The following TENM4 variants were observed in gnomAD, a reference collection of about 807,000 sequenced individuals.
TENM4 encodes teneurin-4.
A neutral mutation model predicts 243.3 loss-of-function variants in TENM4; 82 were observed. That is an observed-to-expected ratio of 0.34 (90% CI 0.28 to 0.40). The LOEUF is 0.40. TENM4 is among the 10% of genes least tolerant of loss of function. The pLI is 1.00. For missense variants in TENM4, 3,138 were observed against 3,673.3 expected (o/e 0.85, Z 3.77); for synonymous variants, 1,412 against 1,456.3 (o/e 0.97, Z 0.69).
chr11:79,430,214 A>G (rs893735892), intron 1 of TENM4, among the ~76,000 whole-genome samples: 2 of 152,194 alleles, frequency 1.3e-5, no homozygotes, highest in African/African-American at 4.8e-5. Flanking sequence ...AAAAAGAAAA[A>G]AAAAAGGAAT....
chr11:78,868,227 A>G (rs1199601966), intron 9 of TENM4, among the ~76,000 whole-genome samples: 1 of 152,216 alleles, frequency 6.6e-6, no homozygotes, highest in Admixed American at 6.5e-5. Flanking sequence ...GTTACGTCAC[A>G]GGATTCTCTA....
At chr11:78,790,894 C>G (rs1185105976) in intron 15 of TENM4, among the ~76,000 whole-genome samples, 1 of 152,224 alleles carries the variant, frequency 6.6e-6, no homozygotes, top group South Asian at 2.1e-4. Context: ...GGCACTTAGT[C>G]TCACCCTTCC....
intron 17 of TENM4, among the ~76,000 whole-genome samples, chr11:78,775,441 T>A (rs1856722969): frequency 1.3e-5 from 2 of 152,170 alleles, no homozygotes; most frequent in Admixed American, 1.3e-4. Flanking sequence ...TCACAGAGAA[T>A]CACAAATGTG....
rs143627112 is a variant in TENM4, at chr11:79,159,435, A to G, written c.-162-10629T>C. Among the ~76,000 whole-genome samples the G allele has an allele frequency of 3.6e-3, 548 of 152,242 alleles. 5 individuals are homozygous for G. Among genetic ancestry groups the G allele is most frequent in the African/African-American group, 0.012 (518 of 41,548 alleles). On this transcript the variant is annotated intron_variant, in intron 3 of 33. Coordinates refer to ENST00000278550, the MANE Select transcript of TENM4 (RefSeq NM_001098816.3). ...TTTAAAAATGAAATAAAAAGAATAA[A>G]TTGCCCAAGATAACATGGCTAGCCT...
chr11:79,349,238 G>A (rs1857376669), intron 1 of TENM4, among the ~76,000 whole-genome samples: 1 of 152,116 alleles, frequency 6.6e-6, no homozygotes, highest in Admixed American at 6.5e-5. Context: ...TAAGAGATGA[G>A]GATCCATCAC....
At chr11:78,858,233 G>A (rs950351590) in intron 10 of TENM4, among the ~76,000 whole-genome samples, 3 of 152,168 alleles carry the variant, frequency 2.0e-5, no homozygotes, top group Non-Finnish European at 4.4e-5. Flanking sequence ...TAAGTCAGAG[G>A]TCTGCAGGCC....
chr11:78,853,158 T>C (rs1858584496), intron 12 of TENM4, among the ~76,000 whole-genome samples: 1 of 152,204 alleles, frequency 6.6e-6, no homozygotes, highest in South Asian at 2.1e-4. Context: ...ATAGAACTGT[T>C]GATTAAGCAG....
chr11:78,701,737 C>T lies in TENM4; in HGVS notation c.4876G>A (p.Gly1626Ser), dbSNP rs1859109469. The change falls in exon 28 of 34, where the codon GGC becomes AGC. Residue 1626 changes from glycine to serine, a missense_variant. Coordinates refer to ENST00000278550, the MANE Select transcript of TENM4 (RefSeq NM_001098816.3). ...TCTCGGCGGACATTTACCATGTTGC[C>T]ATTGTTGTCTGTGATGAGTGTGATG... ...GDITLITDNN[G>S]NMVNVRRDST... 1 of 1,613,976 alleles carries T rather than the reference C, an allele frequency of 6.2e-7. No individual in the cohort carries two copies. The highest frequency in any genetic ancestry group is 8.5e-7 in the Non-Finnish European group (1 of 1,179,890).
At chr11:79,114,590 G>A (rs1350025785) in intron 4 of TENM4, among the ~76,000 whole-genome samples, 1 of 152,200 alleles carries the variant, frequency 6.6e-6, no homozygotes, top group Non-Finnish European at 1.5e-5. Flanking sequence ...TGTGTGACCT[G>A]TGCAGTCACA....
intron 19 of TENM4, 137 bp downstream of exon 19, chr11:78,756,668 C>T (rs1856312790): frequency 1.3e-5 from 11 of 819,408 alleles, no homozygotes; most frequent in Non-Finnish European, 2.1e-5. Flanking sequence ...TCTCTGCCTC[C>T]CCCGACATTC....
chr11:78,932,491 T>A (rs1856692410), intron 6 of TENM4, among the ~76,000 whole-genome samples: 1 of 150,848 alleles, frequency 6.6e-6, no homozygotes, highest in African/African-American at 2.5e-5. Flanking sequence ...CTCTGACTAC[T>A]CTCTGGATTA....
At chr11:78,925,903 A>G (rs1856541540) in intron 6 of TENM4, among the ~76,000 whole-genome samples, 1 of 152,070 alleles carries the variant, frequency 6.6e-6, no homozygotes, top group Non-Finnish European at 1.5e-5. Context: ...GAAGGCATGT[A>G]CAAGAAAAGA....
At chr11:79,176,572 C>T (rs537722409) in intron 3 of TENM4, among the ~76,000 whole-genome samples, 11 of 152,332 alleles carry the variant, frequency 7.2e-5, no homozygotes, top group Non-Finnish European at 1.5e-4. Context: ...GGCATTCTTT[C>T]TCAATAGTAC....
chr11:79,267,663 T>C (rs1034028936), intron 2 of TENM4, among the ~76,000 whole-genome samples: 3 of 152,216 alleles, frequency 2.0e-5, no homozygotes, highest in African/African-American at 4.8e-5. Flanking sequence ...ACCTATACAA[T>C]ATATTCCTTA....
intron 6 of TENM4, among the ~76,000 whole-genome samples, chr11:79,053,217 A>G (rs146929231): frequency 1.3e-5 from 2 of 152,306 alleles, no homozygotes; most frequent in Non-Finnish European, 1.5e-5. Context: ...TGACAAGTTC[A>G]TGGTTAGTTA....
At chr11:79,229,574 T>C (rs1452830407) in intron 2 of TENM4, among the ~76,000 whole-genome samples, 4 of 152,182 alleles carry the variant, frequency 2.6e-5, no homozygotes, top group African/African-American at 9.6e-5. Context: ...AATTGAACCC[T>C]GTCTTCTCTG....
intron 6 of TENM4, among the ~76,000 whole-genome samples, chr11:78,976,206 C>A (rs1427110604): frequency 2.0e-5 from 3 of 152,188 alleles, no homozygotes; most frequent in African/African-American, 7.2e-5. Context: ...AGGTGTGGAT[C>A]TGGGCTTCCA....
At chr11:79,336,077 A>G (rs570379736) in intron 1 of TENM4, among the ~76,000 whole-genome samples, 1 of 133,336 alleles carries the variant, frequency 7.5e-6, no homozygotes, top group Non-Finnish European at 1.6e-5. Context: ...ACTTGAATCC[A>G]GGCCTGACTA....
intron 1 of TENM4, among the ~76,000 whole-genome samples, chr11:79,382,040 T>C (rs941862643): frequency 2.0e-5 from 3 of 152,148 alleles, no homozygotes; most frequent in African/African-American, 7.2e-5. Context: ...CCAGATATGG[T>C]GGTAGAATAT....
Sources: gnomAD v4.1 joint callset for allele counts (sites outside exome capture counted in the v4.1 genomes callset) on GRCh38, gnomAD v4.1.1 for gene constraint, MANE v1.5 for transcripts, NCBI Gene and HGNC (gene_info 2026-07-23, HGNC 2026-07-21) for gene names.